CDH12: variants seen among roughly 807,000 people sequenced by gnomAD.
CDH12 encodes cadherin 12, also known as cadherin-12.
Under a neutral mutation model 74.1 loss-of-function variants are expected in CDH12, and 41 were observed. That is an observed-to-expected ratio of 0.55 (90% CI 0.43 to 0.72). The LOEUF is 0.72. CDH12 is among the 30% of genes least tolerant of loss of function. The pLI is 0.00. For missense variants in CDH12, 945 were observed against 977.2 expected, an observed-to-expected ratio of 0.97 and a Z score of 0.44; for synonymous variants, 399 against 355.0, an observed-to-expected ratio of 1.12 and a Z score of -1.39.
At chr5:22,595,580 A>C (rs550337682) in intron 1 of CDH12, among the ~76,000 whole-genome samples, 1 of 152,266 alleles carries the variant, frequency 6.6e-6, no homozygotes, top group Non-Finnish European at 1.5e-5. Flanking sequence ...TAGAAAGTAA[A>C]CTCATTAAGG....
intron 5 of CDH12, among the ~76,000 whole-genome samples, chr5:22,077,991 ATTCT>A (rs1417004873): frequency 6.6e-6 from 1 of 152,142 alleles, no homozygotes; most frequent in Non-Finnish European, 1.5e-5. Context: ...GAAGAAATAC[ATTCT>A]TGTCATTAAA....
chr5:22,361,969 T>C (rs1740823749), intron 3 of CDH12, among the ~76,000 whole-genome samples: 1 of 152,050 alleles, frequency 6.6e-6, no homozygotes, highest in Non-Finnish European at 1.5e-5. Flanking sequence ...CCTAAAACCA[T>C]AAAAACCCTA....
At chr5:22,363,421 A>G (rs1032327374) in intron 3 of CDH12, among the ~76,000 whole-genome samples, 14 of 152,146 alleles carry the variant, frequency 9.2e-5, no homozygotes, top group African/African-American at 4.8e-5. Flanking sequence ...ATTAAATTAT[A>G]TGCCAACCAG....
intron 6 of CDH12, among the ~76,000 whole-genome samples, chr5:21,876,031 G>T (rs1751920869): frequency 6.6e-6 from 1 of 151,798 alleles, no homozygotes; most frequent in Admixed American, 6.6e-5. Flanking sequence ...GAGTAGCTGG[G>T]ACTACAGGTG....
chr5:22,214,879 T>C (rs1392217723), intron 3 of CDH12, among the ~76,000 whole-genome samples: 1 of 152,206 alleles, frequency 6.6e-6, no homozygotes, highest in Non-Finnish European at 1.5e-5. Flanking sequence ...ATGGTTTCTA[T>C]AGAGAGTATG....
intron 1 of CDH12, among the ~76,000 whole-genome samples, chr5:22,601,304 A>G (rs189048809): frequency 6.6e-6 from 1 of 152,168 alleles, no homozygotes; most frequent in East Asian, 1.9e-4. Flanking sequence ...CACATTAGTT[A>G]TCAGAAAACC....
intron 1 of CDH12, among the ~76,000 whole-genome samples, chr5:22,513,141 A>G (rs1160190808): frequency 2.0e-5 from 3 of 152,186 alleles, no homozygotes; most frequent in South Asian, 2.1e-4. Flanking sequence ...TCCCACTGAT[A>G]TCTCTTGAAA....
In CDH12 at chr5:22,485,939, A is replaced by G. The variant is rs565465156; in HGVS notation, c.-428+19331T>C. The stretch of plus-strand genomic sequence containing the variant: ...ACAGCCCAAGAGGGGCAATAGGGTT[A>G]AAGCATTTCTGGTCCAATAGTGGCA... On this transcript the variant is annotated intron_variant, in intron 2 of 14. Coordinates refer to ENST00000382254, the MANE Select transcript of CDH12 (RefSeq NM_004061.5). 2.6e-3 allele frequency among the ~76,000 whole-genome samples: 402 copies of G among 152,326 alleles called. 1 individual carries two copies. The highest frequency in any genetic ancestry group is 4.8e-3 in the Non-Finnish European group (325 of 68,022).
intron 4 of CDH12, among the ~76,000 whole-genome samples, chr5:22,210,158 C>G (rs1751444121): frequency 1.8e-5 from 2 of 109,380 alleles, no homozygotes; most frequent in South Asian, 7.6e-4. Flanking sequence ...TTTTATTGAA[C>G]ATATTACTTA....
At chr5:22,392,465 T>G (rs1742286836) in intron 3 of CDH12, among the ~76,000 whole-genome samples, 1 of 152,198 alleles carries the variant, frequency 6.6e-6, no homozygotes, top group African/African-American at 2.4e-5. Context: ...CTCAACGTAT[T>G]CATCTGTAAA....
chr5:22,762,375 T>C (rs1037383974), intron 1 of CDH12, among the ~76,000 whole-genome samples: 11 of 152,136 alleles, frequency 7.2e-5, no homozygotes, highest in African/African-American at 2.7e-4. Flanking sequence ...AGTTGTTAGA[T>C]TTAATTCTCA....
At chr5:22,174,242 A>G (rs1478047215) in intron 4 of CDH12, among the ~76,000 whole-genome samples, 1 of 151,962 alleles carries the variant, frequency 6.6e-6, no homozygotes, top group African/African-American at 2.4e-5. Context: ...CACATGCTTA[A>G]AGCTCTACTT....
In CDH12 at chr5:22,343,323, C is replaced by CAGAGAGAG. The variant is rs377016972; in HGVS notation, c.-333+61926_-333+61933dup. Among the ~76,000 whole-genome samples, 748 of 136,326 alleles carry CAGAGAGAG rather than the reference C, an allele frequency of 5.5e-3. 10 individuals carry two copies. Among genetic ancestry groups the CAGAGAGAG allele is most frequent in the African/African-American group, 0.019 (669 of 34,482 alleles). The allele number at this position is 136,326 out of a possible 152,430, so 89.4% of individuals were successfully genotyped here. On this transcript the variant is annotated intron_variant, in intron 3 of 14. Transcript: ENST00000382254. Reference sequence around the variant, plus strand: ...ACACACACACACACAGACACACACACAGAGAGAGAGAGAGAGAGAGAGAGA... The same window carrying CAGAGAGAG: ...ACACACACACACACAGACACACACACAGAGAGAGAGAGAGAGAGAGAGAGAGAGAGAGA...
intron 6 of CDH12, among the ~76,000 whole-genome samples, chr5:21,959,528 A>G (rs955080960): frequency 3.3e-5 from 5 of 152,108 alleles, no homozygotes; most frequent in Admixed American, 3.3e-4. Flanking sequence ...ATGGAGGAAA[A>G]TCTACCAAGC....
At chr5:22,525,079 G>A (rs577024579) in intron 1 of CDH12, among the ~76,000 whole-genome samples, 2 of 151,336 alleles carry the variant, frequency 1.3e-5, no homozygotes, top group African/African-American at 2.4e-5. Flanking sequence ...TTGTCCTTGC[G>A]ATAGTTTGCT....
chr5:21,794,431 C>T (rs1448587412), intron 10 of CDH12, among the ~76,000 whole-genome samples: 18 of 151,686 alleles, frequency 1.2e-4, no homozygotes, highest in Non-Finnish European at 4.4e-5. Context: ...GTCCTAAACA[C>T]GCAGTATACC....
chr5:22,754,018 A>G (rs1745747773), intron 1 of CDH12, among the ~76,000 whole-genome samples: 1 of 152,170 alleles, frequency 6.6e-6, no homozygotes, highest in Non-Finnish European at 1.5e-5. Flanking sequence ...TAAGCAGTCC[A>G]TAAGTTTGTG....
chr5:21,802,431 G>T lies in CDH12; in HGVS notation c.1003-11C>A. 6.2e-7 allele frequency: 1 copy of T among 1,605,718 alleles called. No individual in the cohort carries two copies. The highest frequency in any genetic ancestry group is 1.1e-5 in the South Asian group (1 of 90,884). On this transcript the variant is annotated splice_polypyrimidine_tract_variant and intron_variant, in intron 9 of 14. Transcript: ENST00000382254. ...TTCAAAATCTAAAGGCTGTAGTGAGGACAAATTAAGAATAAGGAGTAAATT... is the reference window on the plus strand; with the variant it reads ...TTCAAAATCTAAAGGCTGTAGTGAGTACAAATTAAGAATAAGGAGTAAATT...
At chr5:22,710,422 G>T (rs1245511896) in intron 1 of CDH12, among the ~76,000 whole-genome samples, 1 of 152,130 alleles carries the variant, frequency 6.6e-6, no homozygotes. Flanking sequence ...CACGGCAGCT[G>T]GTGTAGTAGC....
Sources: allele counts gnomAD v4.1 joint callset (sites outside exome capture counted in the v4.1 genomes callset), GRCh38; gene constraint gnomAD v4.1.1; transcripts MANE v1.5; gene names NCBI Gene and HGNC (gene_info 2026-07-23, HGNC 2026-07-21).